Variants in GRK5 observed in about 807,000 individuals in gnomAD.
The protein encoded by GRK5 is g protein-coupled receptor kinase GRK5.
A neutral mutation model predicts 78.4 loss-of-function variants in GRK5; 40 were observed. The ratio of observed to expected loss-of-function variants is 0.51; its 90% CI spans 0.40 to 0.66. GRK5 has a LOEUF of 0.66. Among genes scored for constraint, GRK5 ranks in the 30% least tolerant of loss-of-function variants. The pLI is 0.00. For missense variants in GRK5, 598 were observed against 759.9 expected (o/e 0.79, Z 2.50); for synonymous variants, 289 against 296.8 (o/e 0.97, Z 0.27).
Position 119,378,585 on chromosome 10 carries a change from C to T in GRK5, c.149-2230C>T, listed in dbSNP as rs915889586. 9.2e-5 allele frequency among the ~76,000 whole-genome samples: 14 copies of T among 152,252 alleles called. No individual in the cohort carries two copies. The highest frequency in any genetic ancestry group is 7.3e-5 in the Non-Finnish European group (5 of 68,050). ...GAGGCAGACAGCGGAGTGCTGAGGC[C>T]GTGTCCCCGTGTGGTGAATAAATGC... On this transcript the variant is annotated intron_variant, in intron 2 of 15. Transcript: ENST00000392870. The surrounding 1 kb of genome is among the most constrained non-coding windows in gnomAD (Gnocchi z 4.5).
At chr10:119,313,805 G>C (rs1214184524) in intron 1 of GRK5, among the ~76,000 whole-genome samples, 1 of 152,160 alleles carries the variant, frequency 6.6e-6, no homozygotes, top group East Asian at 1.9e-4. Flanking sequence ...TCCCCATGGC[G>C]ACCAGTTACC....
At chr10:119,348,043 T>G (rs1851127588) in intron 2 of GRK5, among the ~76,000 whole-genome samples, 1 of 152,242 alleles carries the variant, frequency 6.6e-6, no homozygotes, top group Non-Finnish European at 1.5e-5. Context: ...TCTGTCTCCC[T>G]CAAGGACAGG....
At chr10:119,348,467 G>A (rs1204002481) in intron 2 of GRK5, among the ~76,000 whole-genome samples, 1 of 152,218 alleles carries the variant, frequency 6.6e-6, no homozygotes, top group Non-Finnish European at 1.5e-5. Flanking sequence ...AAGCAGGCAG[G>A]TCTGAGCCTT....
chr10:119,295,823 G>C (rs570303739), intron 1 of GRK5, among the ~76,000 whole-genome samples: 14 of 152,102 alleles, frequency 9.2e-5, no homozygotes, highest in African/African-American at 3.4e-4. Context: ...GGGGGTGGTG[G>C]GGCATAAAAT....
chr10:119,256,902 C>G (rs1395223301), intron 1 of GRK5, among the ~76,000 whole-genome samples: 1 of 152,220 alleles, frequency 6.6e-6, no homozygotes, highest in African/African-American at 2.4e-5. Flanking sequence ...CTTGCCCCTA[C>G]CACGGTCCCT....
At chr10:119,218,967 A>G (rs1442891673) in intron 1 of GRK5, among the ~76,000 whole-genome samples, 1 of 146,618 alleles carries the variant, frequency 6.8e-6, no homozygotes, top group East Asian at 2.0e-4. Flanking sequence ...GCACGATCTC[A>G]GCTCACCGCA....
At position 119,456,925 on chromosome 10, in the gene GRK5, G is replaced by A. The variant is rs187144342; in HGVS notation, c.*1858G>A. Reference sequence around the variant, plus strand: ...TGGCCTTTGGGACTGATCATTTTGAGGCCCTTTTACAAAGAAATGGGGGAG... The same window carrying A: ...TGGCCTTTGGGACTGATCATTTTGAAGCCCTTTTACAAAGAAATGGGGGAG... On this transcript the variant is annotated 3_prime_UTR_variant, in exon 16 of 16. Transcript: ENST00000392870. This position sits in a 1 kb window ranked among gnomAD's most constrained non-coding sequence, Gnocchi z 5.5. 1 of 152,284 alleles carries A rather than the reference G, an allele frequency of 6.6e-6. No homozygotes were observed. The highest frequency in any genetic ancestry group is 2.4e-5 in the African/African-American group (1 of 41,546). 9.4% of individuals were successfully genotyped at this position (152,284 alleles called of 1,614,324 possible). A position where few individuals can be genotyped will look rare whatever the true frequency, so the allele number is the denominator to read the frequency against.
At position 119,426,805 on chromosome 10, in the gene GRK5, A is replaced by G. The variant is rs578089583; in HGVS notation, c.533+1720A>G. Among the ~76,000 whole-genome samples the G allele has an allele frequency of 1.7e-3, 264 of 151,246 alleles. 2 individuals are homozygous for G. Among genetic ancestry groups the G allele is most frequent in the African/African-American group, 6.0e-3 (247 of 41,146 alleles). On this transcript the variant is annotated intron_variant, in intron 6 of 15. Coordinates refer to ENST00000392870, the MANE Select transcript of GRK5 (RefSeq NM_005308.3). ...ATCAACAGCATCACCACCTTCATCA[A>G]CATCACCACCATCATCAGCATCATC...
At chr10:119,421,761 C>T (rs554344576) in intron 4 of GRK5, among the ~76,000 whole-genome samples, 7 of 152,348 alleles carry the variant, frequency 4.6e-5, no homozygotes, top group African/African-American at 1.7e-4. Flanking sequence ...GCTGAAGCCT[C>T]TCAGGCCTGG....
At chr10:119,318,830 A>T (rs1850535419) in intron 1 of GRK5, among the ~76,000 whole-genome samples, 2 of 152,112 alleles carry the variant, frequency 1.3e-5, no homozygotes, top group Non-Finnish European at 2.9e-5. Flanking sequence ...TCTCAGAAAC[A>T]GCAAAGGCAA....
At chr10:119,229,230 T>C (rs1848787803) in intron 1 of GRK5, among the ~76,000 whole-genome samples, 1 of 152,256 alleles carries the variant, frequency 6.6e-6, no homozygotes, top group African/African-American at 2.4e-5. Context: ...TTGGGGTTTA[T>C]AAAAAACCCT....
rs183289912 is a variant in GRK5, at chr10:119,281,719, G to A, written c.53-44797G>A. ...CTTGGGCCCCTGCCCATTTGGAAGC[G>A]TGCCCTTGAGCACTGCCATCCCCGA... is the stretch of plus-strand genomic sequence containing the variant. On this transcript the variant is annotated intron_variant, in intron 1 of 15. Transcript: ENST00000392870. 7.9e-4 allele frequency among the ~76,000 whole-genome samples: 121 copies of A among 152,300 alleles called. 1 individual carries two copies. The highest frequency in any genetic ancestry group is 6.0e-4 in the Non-Finnish European group (41 of 68,018).
chr10:119,313,188 ATGATGGTGG>A (rs1850418720), intron 1 of GRK5, among the ~76,000 whole-genome samples: 2 of 135,898 alleles, frequency 1.5e-5, no homozygotes, highest in African/African-American at 5.6e-5. Flanking sequence ...GATGGTGATG[ATGATGGTGG>A]TGGTAATGGT....
At position 119,457,777 on chromosome 10, in the gene GRK5, CCT is replaced by C. The variant is rs1433701642; in HGVS notation, c.*2711_*2712del. On this transcript the variant is annotated 3_prime_UTR_variant, in exon 16 of 16. Transcript: ENST00000392870. ...TTCTGGCTCACTGCAGCCTCAAACT[CCT>C]GAGTCCAAGCTATCCTCCTGCCTCA... The C allele has an allele frequency of 3.3e-5, 5 of 150,724 alleles. No homozygotes were observed. Among genetic ancestry groups the C allele is most frequent in the Non-Finnish European group, 5.9e-5 (4 of 67,908 alleles). 9.3% of individuals were successfully genotyped at this position (150,724 alleles called of 1,614,324 possible).
intron 2 of GRK5, among the ~76,000 whole-genome samples, chr10:119,353,918 TC>T (rs1270053148): frequency 1.4e-5 from 2 of 145,646 alleles, no homozygotes; most frequent in Non-Finnish European, 3.0e-5. Context: ...CCAAGGGCAA[TC>T]CATTTTTTCT....
chr10:119,232,505 T>G (rs997401078), intron 1 of GRK5, among the ~76,000 whole-genome samples: 2 of 152,230 alleles, frequency 1.3e-5, no homozygotes, highest in African/African-American at 4.8e-5. Context: ...GGTTTGGCTG[T>G]GTTCCCACCC....
At chr10:119,390,993 C>T (rs1375708344) in intron 3 of GRK5, among the ~76,000 whole-genome samples, 1 of 152,230 alleles carries the variant, frequency 6.6e-6, no homozygotes, top group Non-Finnish European at 1.5e-5. Context: ...TGCAGCCCCC[C>T]TTCCCTCCTG....
chr10:119,446,796 GC>G lies in GRK5; in HGVS notation c.1267-1322del, dbSNP rs573496703. On this transcript the variant is annotated intron_variant, in intron 12 of 15. Transcript: ENST00000392870. ...CTTCGATTCCTTTGTTTGGGGGGCA[GC>G]CCCCTCCAGACCCTGAGCCCCAAGA... Among the ~76,000 whole-genome samples the G allele has an allele frequency of 3.0e-3, 463 of 152,274 alleles. 5 individuals carry two copies. The highest frequency in any genetic ancestry group is 0.011 in the African/African-American group (440 of 41,546).
intron 1 of GRK5, among the ~76,000 whole-genome samples, chr10:119,304,503 C>T (rs1673164579): frequency 6.6e-6 from 1 of 152,132 alleles, no homozygotes; most frequent in Non-Finnish European, 1.5e-5. Flanking sequence ...GGCTTCTGTG[C>T]ATTTCCCCGT....
Sources: gnomAD v4.1 joint callset for allele counts (sites outside exome capture counted in the v4.1 genomes callset) on GRCh38, gnomAD v4.1.1 for gene constraint, Gnocchi (gnomAD v3.1) non-coding constraint, MANE v1.5 for transcripts, NCBI Gene and HGNC (gene_info 2026-07-23, HGNC 2026-07-21) for gene names.